The following CLMP variants were observed in gnomAD, a reference collection of about 807,000 sequenced individuals.
CLMP encodes CXADR like cell adhesion molecule.
A neutral mutation model predicts 45.2 loss-of-function variants in CLMP; 27 were observed. The ratio of observed to expected loss-of-function variants is 0.60; its 90% confidence interval spans 0.44 to 0.82. The LOEUF is 0.82. Ranked by LOEUF, CLMP falls within the 40% of genes least tolerant of loss-of-function variation. The pLI, the probability that CLMP is intolerant of heterozygous loss-of-function variation, is 0.00. For missense variants in CLMP, 403 were observed against 448.4 expected, an observed-to-expected ratio of 0.90 and a Z score of 0.91; for synonymous variants, 167 against 171.4, an observed-to-expected ratio of 0.97 and a Z score of 0.20.
chr11:123,129,858 C>CT (rs1331700877), intron 1 of CLMP, among the ~76,000 whole-genome samples: 3 of 151,390 alleles, frequency 2.0e-5, no homozygotes, highest in African/African-American at 7.3e-5. Flanking sequence ...CACCTTGTTG[C>CT]TTTCAGAAAC....
chr11:123,100,398 C>A lies in CLMP; in HGVS notation c.29-2446G>T, dbSNP rs557321247. Among the ~76,000 whole-genome samples, 250 of 149,736 alleles carry A rather than the reference C, an allele frequency of 1.7e-3. 1 individual carries two copies. The highest frequency in any genetic ancestry group is 3.4e-3 in the Middle Eastern group (1 of 290). On this transcript the variant is annotated intron_variant, in intron 1 of 6. Transcript: ENST00000448775. ...TCCCTCTCAGAAAAAAAAAAAAAAA[C>A]CAAAGATTGTTTTCAAGCTTGCATG...
At chr11:123,114,710 T>C (rs1369222990) in intron 1 of CLMP, among the ~76,000 whole-genome samples, 1 of 152,146 alleles carries the variant, frequency 6.6e-6, no homozygotes, top group African/African-American at 2.4e-5. Context: ...TAACACTTCT[T>C]AATAATAGTA....
Position 123,083,828 on chromosome 11 carries a change from C to G in CLMP, c.408G>C (p.Lys136Asn). The G allele has an allele frequency of 3.1e-6, 5 of 1,613,304 alleles. No homozygotes were observed. The highest frequency in any genetic ancestry group is 4.2e-6 in the Non-Finnish European group (5 of 1,180,018). The part of the protein sequence containing the change: ...LKVLVRPSKP[K>N]CELEGELTEG... ...CTGTCAGCTCTCCTTCCAACTCACACTTGGGCTTGGATGGTCTCACTGGCA... is the reference window on the plus strand; with the variant it reads ...CTGTCAGCTCTCCTTCCAACTCACAGTTGGGCTTGGATGGTCTCACTGGCA... The change falls in exon 4 of 7, where the codon AAG becomes AAC. Residue 136 changes from lysine to asparagine, a missense_variant. By Grantham distance (94) the Lys-to-Asn change is moderately conservative. Coordinates refer to ENST00000448775, the MANE Select transcript of CLMP (RefSeq NM_024769.5).
chr11:123,154,572 A>T lies in CLMP; in HGVS notation c.28+40341T>A, dbSNP rs1344745923. ...TATGTCAGATATCATGACATAAGAG[A>T]TATCATGACACGGCATGTCATGTCA... On this transcript the variant is annotated intron_variant, in intron 1 of 6. Transcript: ENST00000448775. Among the ~76,000 whole-genome samples the T allele has an allele frequency of 2.0e-5, 3 of 152,158 alleles. No homozygotes were observed. In the East Asian group the frequency reaches 5.8e-4, roughly 29 times the overall value.
intron 1 of CLMP, among the ~76,000 whole-genome samples, chr11:123,190,844 A>C (rs532039853): frequency 6.6e-6 from 1 of 152,346 alleles, no homozygotes; most frequent in South Asian, 2.1e-4. Context: ...GCTGAAAAGG[A>C]AGGAGAGACA....
intron 1 of CLMP, among the ~76,000 whole-genome samples, chr11:123,169,609 T>C (rs1173090365): frequency 1.3e-5 from 2 of 152,180 alleles, no homozygotes; most frequent in African/African-American, 4.8e-5. Flanking sequence ...ATTGCAATCA[T>C]AGTGTCAATA....
rs780856345 is a variant in CLMP, at chr11:123,194,893, G to T, written c.28+20C>A. ...TTTGCCCACGGCCATCCAAACTCCC[G>T]CCCTCCCAGAGGCACTCACCTAGCA... On this transcript the variant is annotated intron_variant, in intron 1 of 6. Transcript: ENST00000448775. 6.2e-7 allele frequency: 1 copy of T among 1,613,268 alleles called. No homozygotes were observed. Among genetic ancestry groups the T allele is most frequent in the Admixed American group, 1.7e-5 (1 of 59,980 alleles).
At chr11:123,097,349 T>TC (rs1591456065) in intron 2 of CLMP, among the ~76,000 whole-genome samples, 1 of 152,028 alleles carries the variant, frequency 6.6e-6, no homozygotes, top group African/African-American at 2.4e-5. Flanking sequence ...TTTCTTTCTT[T>TC]TTTTTTGAGA....
chr11:123,117,200 T>C (rs1049919890), intron 1 of CLMP, among the ~76,000 whole-genome samples: 9 of 152,058 alleles, frequency 5.9e-5, no homozygotes, highest in African/African-American at 2.2e-4. Flanking sequence ...GCATATAATA[T>C]ACCAGTCACT....
chr11:123,090,871 A>G (rs1177152542), intron 2 of CLMP, among the ~76,000 whole-genome samples: 3 of 152,192 alleles, frequency 2.0e-5, no homozygotes, highest in East Asian at 3.9e-4. Context: ...GACCAACTCA[A>G]AAGTGTACAA....
At chr11:123,177,364 G>T (rs904031486) in intron 1 of CLMP, among the ~76,000 whole-genome samples, 2 of 152,184 alleles carry the variant, frequency 1.3e-5, no homozygotes, top group Admixed American at 6.5e-5. Flanking sequence ...TGTCTCCTGA[G>T]CATCTTCTTG....
chr11:123,117,761 T>TA (rs1860737767), intron 1 of CLMP, among the ~76,000 whole-genome samples: 1 of 152,200 alleles, frequency 6.6e-6, no homozygotes, highest in African/African-American at 2.4e-5. Context: ...CAATAAACTA[T>TA]AATGCTGTGC....
At chr11:123,117,120 G>A (rs1324478308) in intron 1 of CLMP, among the ~76,000 whole-genome samples, 1 of 152,026 alleles carries the variant, frequency 6.6e-6, no homozygotes, top group Non-Finnish European at 1.5e-5. Context: ...GTGGTGGCGG[G>A]TGCCACCCTG....
chr11:123,127,355 C>CA (rs1860910853), intron 1 of CLMP, among the ~76,000 whole-genome samples: 5 of 152,086 alleles, frequency 3.3e-5, no homozygotes, highest in Admixed American at 3.3e-4. Context: ...CTCCTAACCT[C>CA]AAGTGATCCA....
intron 1 of CLMP, among the ~76,000 whole-genome samples, chr11:123,170,971 C>T (rs550085685): frequency 3.9e-5 from 6 of 152,274 alleles, no homozygotes; most frequent in South Asian, 2.1e-4. Context: ...TGTGGGGAGA[C>T]GTTCGAATAC....
chr11:123,158,686 T>C (rs944637964), intron 1 of CLMP, among the ~76,000 whole-genome samples: 5 of 152,356 alleles, frequency 3.3e-5, no homozygotes, highest in Admixed American at 2.0e-4. Flanking sequence ...GTTGTCCTTA[T>C]GCTGTGCTGA....
chr11:123,163,882 T>C (rs1412674058), intron 1 of CLMP, among the ~76,000 whole-genome samples: 1 of 152,194 alleles, frequency 6.6e-6, no homozygotes, highest in Non-Finnish European at 1.5e-5. Flanking sequence ...AAATTTCGAA[T>C]CTTTACTGCA....
At chr11:123,098,376 T>C (rs916319828) in intron 1 of CLMP, among the ~76,000 whole-genome samples, 2 of 151,902 alleles carry the variant, frequency 1.3e-5, no homozygotes, top group Non-Finnish European at 2.9e-5. Context: ...TACAGGCGCA[T>C]GCCACCACAC....
At chr11:123,106,451 CT>C (rs1860558714) in intron 1 of CLMP, among the ~76,000 whole-genome samples, 1 of 149,266 alleles carries the variant, frequency 6.7e-6, no homozygotes, top group Non-Finnish European at 1.5e-5. Flanking sequence ...ACGTGCCTGC[CT>C]TCCAGATTGT....
Sources: allele counts gnomAD v4.1 joint callset (sites outside exome capture counted in the v4.1 genomes callset), GRCh38; gene constraint gnomAD v4.1.1; transcripts MANE v1.5; gene names NCBI Gene and HGNC (gene_info 2026-07-23, HGNC 2026-07-21).